The following RMC1 variants were observed in gnomAD, a reference collection of about 807,000 sequenced individuals.
RMC1 encodes the protein regulator of MON1-CCZ1 complex.
A neutral mutation model predicts 95.5 loss-of-function variants in RMC1; 44 were observed. That is an observed-to-expected ratio of 0.46 (90% CI 0.36 to 0.59). The LOEUF is 0.59. Ranked by LOEUF, RMC1 falls within the 20% of genes least tolerant of loss-of-function variation. The probability of loss-of-function intolerance (pLI) is 0.00; values close to 1 mark genes in which losing one functional copy is unlikely to be tolerated. For missense variants in RMC1, 705 were observed against 819.6 expected (o/e 0.86, Z 1.71); for synonymous variants, 320 against 303.6 (o/e 1.05, Z -0.56).
At position 23,529,053 on chromosome 18, in the gene RMC1, T is replaced by C. The variant is rs2058398457; in HGVS notation, c.1297-126T>C. ...CGCACAGGAAAAAGTTGTATCTAAG[T>C]AGAGAAAGTGTTTTCCGCTCATATC... On this transcript the variant is annotated intron_variant, in intron 14 of 19. Transcript: ENST00000269221. The C allele has an allele frequency of 2.1e-6, 3 of 1,446,650 alleles. No homozygotes were observed. In the East Asian group the frequency reaches 7.1e-5, roughly 34 times the overall value. The allele number at this position is 1,446,650 out of a possible 1,614,324, so 89.6% of individuals were successfully genotyped here.
At chr18:23,525,872 T>C (rs2058284579) in intron 12 of RMC1, among the ~76,000 whole-genome samples, 1 of 152,224 alleles carries the variant, frequency 6.6e-6, no homozygotes, top group South Asian at 2.1e-4. Context: ...TAAGAACTCT[T>C]GAGGAGAGAA....
At chr18:23,524,633 GTTT>G in intron 12 of RMC1, 151 bp downstream of exon 12, 3 of 705,700 alleles carry the variant, frequency 4.3e-6, no homozygotes, top group Non-Finnish European at 7.2e-6. Context: ...CACTTTATAC[GTTT>G]TTTACTATAT....
intron 15 of RMC1, 69 bp downstream of exon 15, chr18:23,529,367 A>G (rs1396115403): frequency 1.3e-6 from 2 of 1,549,026 alleles, no homozygotes; most frequent in South Asian, 1.2e-5. Context: ...GAAAACGAGG[A>G]GACTTCATGT....
intron 13 of RMC1, 76 bp downstream of exon 13, chr18:23,526,841 G>A (rs976163172): frequency 2.6e-5 from 40 of 1,551,070 alleles, no homozygotes; most frequent in Non-Finnish European, 3.5e-5. Flanking sequence ...TCGGGATGTG[G>A]GCTACATTGT....
At chr18:23,529,736 A>G (rs766253476) in intron 16 of RMC1, 24 bp downstream of exon 16, 27 of 1,587,026 alleles carry the variant, frequency 1.7e-5, no homozygotes, top group Non-Finnish European at 2.2e-5. Context: ...ATCTGGGCCC[A>G]AGTTAAAACA....
intron 17 of RMC1, 47 bp downstream of exon 17, chr18:23,530,179 A>C (rs1442280978): frequency 6.2e-7 from 1 of 1,613,668 alleles, no homozygotes; most frequent in East Asian, 2.2e-5. Flanking sequence ...AAAATGGAAA[A>C]TTTTAACCGT....
chr18:23,528,126 ACT>A, intron 14 of RMC1: 1 of 442,194 alleles, frequency 2.3e-6, no homozygotes, highest in Non-Finnish European at 4.0e-6. Flanking sequence ...TCATACCTTC[ACT>A]GTTTTTGTTT....
At position 23,511,559 on chromosome 18, in the gene RMC1, G is replaced by C. The variant is rs375683099; in HGVS notation, c.408+2280G>C. Reference sequence around the variant, plus strand: ...TATAATCCCGATAAATAATTATTATGAACAGTTTGGTGCATATTCCTCTAT... The same window carrying C: ...TATAATCCCGATAAATAATTATTATCAACAGTTTGGTGCATATTCCTCTAT... On this transcript the variant is annotated intron_variant, in intron 5 of 19. Transcript: ENST00000269221. Among the ~76,000 whole-genome samples the C allele has an allele frequency of 3.0e-4, 46 of 151,992 alleles. No individual in the cohort carries two copies. In the East Asian group the frequency reaches 6.6e-3, roughly 22 times the overall value.
In RMC1 at chr18:23,531,616, C is replaced by T; in HGVS notation, c.1895-9C>T. 6.2e-7 allele frequency: 1 copy of T among 1,609,838 alleles called. No homozygotes were observed. Among genetic ancestry groups the T allele is most frequent in the Non-Finnish European group, 8.5e-7 (1 of 1,179,020 alleles). Reference sequence around the variant, plus strand: ...CATCTAACTGGCAATTAAATCTCTTCCTTTCTAGGGGAACACTGTGAAGAA... The same window carrying T: ...CATCTAACTGGCAATTAAATCTCTTTCTTTCTAGGGGAACACTGTGAAGAA... On this transcript the variant is annotated splice_polypyrimidine_tract_variant and intron_variant, in intron 19 of 19. Transcript: ENST00000269221.
At position 23,526,779 on chromosome 18, in the gene RMC1, T is replaced by C; in HGVS notation, c.1189+14T>C. 6.2e-7 allele frequency: 1 copy of C among 1,612,932 alleles called. No individual in the cohort carries two copies. The highest frequency in any genetic ancestry group is 8.5e-7 in the Non-Finnish European group (1 of 1,179,462). On this transcript the variant is annotated intron_variant, in intron 13 of 19. Transcript: ENST00000269221. ...TCTGTTCACAGAGTAAGTTGAATCC[T>C]TCCCCCTTGCTCTGATTCCAGTGTG...
At chr18:23,515,782 C>T (rs2057986791) in intron 5 of RMC1, 74 bp from the exon 6 acceptor site, 1 of 1,584,070 alleles carries the variant, frequency 6.3e-7, no homozygotes, top group Non-Finnish European at 8.6e-7. Flanking sequence ...ATCCGCCCAC[C>T]TTAGCCTCCC....
At chr18:23,512,789 T>G (rs4371239) in intron 5 of RMC1, among the ~76,000 whole-genome samples, 3,734 of 152,196 alleles carry the variant, frequency 0.025, 121 homozygotes, top group African/African-American at 0.086. Flanking sequence ...TCTTAACTGT[T>G]TTTAAGTGTT....
chr18:23,507,226 G>A (rs1039640811), intron 3 of RMC1, among the ~76,000 whole-genome samples, 172 bp downstream of exon 3: 7 of 152,046 alleles, frequency 4.6e-5, no homozygotes, highest in Admixed American at 2.0e-4. Flanking sequence ...CATTTGAGTG[G>A]GTTAAAAAAA....
rs747075380 is a variant in RMC1, at chr18:23,520,187, CT to C, written c.850-10del. On this transcript the variant is annotated splice_polypyrimidine_tract_variant and intron_variant, in intron 9 of 19. Transcript: ENST00000269221. ...TGATTGATTTTGGCCTCAGTCTTGT[CT>C]TTTTCCCCCCCAGACATCGGTAATA... 11 of 1,606,256 alleles carry C rather than the reference CT, an allele frequency of 6.8e-6. No individual in the cohort carries two copies. The highest frequency in any genetic ancestry group is 1.6e-4 in the Middle Eastern group (1 of 6,070).
At chr18:23,525,456 C>T (rs1598900952) in intron 12 of RMC1, among the ~76,000 whole-genome samples, 2 of 151,388 alleles carry the variant, frequency 1.3e-5, no homozygotes, top group South Asian at 2.1e-4. Flanking sequence ...GACGGAATCT[C>T]GCTTTGTCAC....
At chr18:23,510,492 A>T (rs2145151474) in intron 5 of RMC1, among the ~76,000 whole-genome samples, 1 of 152,288 alleles carries the variant, frequency 6.6e-6, no homozygotes, top group Middle Eastern at 3.4e-3. Flanking sequence ...TATTAAAAAT[A>T]CAAAAATTAG....
At position 23,529,861 on chromosome 18, in the gene RMC1, T is replaced by C. The variant is rs145741735; in HGVS notation, c.1494+149T>C. The stretch of plus-strand genomic sequence containing the variant: ...TGACTCCTGACATTATTAGTTGGAA[T>C]GGGAAGTGTAAGGTCAAGTTGGGGT... On this transcript the variant is annotated intron_variant, in intron 16 of 19. Coordinates refer to ENST00000269221, the MANE Select transcript of RMC1 (RefSeq NM_013326.5). The C allele has an allele frequency of 4.3e-5, 45 of 1,044,400 alleles. No homozygotes were observed. The African/African-American group carries it at 5.9e-4, about 14-fold the overall frequency. 64.7% of individuals were successfully genotyped at this position (1,044,400 alleles called of 1,614,324 possible).
chr18:23,530,761 T>C, intron 19 of RMC1, 149 bp downstream of exon 19: 2 of 703,704 alleles, frequency 2.8e-6, no homozygotes, highest in South Asian at 3.9e-5. Context: ...CCATTATTTG[T>C]AGTAGAGTGA....
chr18:23,527,657 C>A, intron 13 of RMC1, 138 bp from the exon 14 acceptor site: 6 of 136,660 alleles, frequency 4.4e-5, no homozygotes, highest in East Asian at 3.3e-4. Flanking sequence ...GCTGTCAGGT[C>A]TTTAAAGTAG....
Sources: gnomAD v4.1 joint callset for allele counts (sites outside exome capture counted in the v4.1 genomes callset) on GRCh38, gnomAD v4.1.1 for gene constraint, MANE v1.5 for transcripts, NCBI Gene and HGNC (gene_info 2026-07-23, HGNC 2026-07-21) for gene names.